The following NOP53 variants were observed in gnomAD, a reference collection of about 807,000 sequenced individuals.
The protein encoded by NOP53 is ribosome biogenesis protein NOP53.
NOP53 carries 40 observed loss-of-function variants against 61.0 expected under a neutral mutation model. That is an observed-to-expected ratio of 0.66 (90% CI 0.51 to 0.85). NOP53 has a LOEUF of 0.85. Among genes scored for constraint, NOP53 ranks in the 40% least tolerant of loss-of-function variants. The pLI is 0.00. For missense variants in NOP53, 689 were observed against 652.9 expected (o/e 1.06, Z -0.60); for synonymous variants, 308 against 289.5 (o/e 1.06, Z -0.65).
At position 47,751,063 on chromosome 19, in the gene NOP53, A is replaced by G. The variant is rs1967119159; in HGVS notation, c.554A>G (p.Gln185Arg). ...PSATRAKPGPQDTVERPFYDL... is the reference protein window; with the variant it reads ...PSATRAKPGPRDTVERPFYDL... ...GCAACAAGGGCCAAGCCCGGGCCCC[A>G]GGACACCGTAGAGCGGCCCTTCTAC... The change falls in exon 4 of 13, where the codon CAG (glutamine) becomes CGG (arginine). Residue 185 changes from glutamine to arginine, a missense_variant. Gln to Arg is a conservative substitution (Grantham distance 43). Coordinates refer to ENST00000246802, the MANE Select transcript of NOP53 (RefSeq NM_015710.5). The G allele has an allele frequency of 3.7e-6, 6 of 1,608,696 alleles. No homozygotes were observed. The highest frequency in any genetic ancestry group is 3.3e-5 in the South Asian group (3 of 89,686).
chr19:47,749,289 C>A (rs996975828), intron 2 of NOP53, among the ~76,000 whole-genome samples: 1 of 152,034 alleles, frequency 6.6e-6, no homozygotes, highest in Admixed American at 6.6e-5. Flanking sequence ...TAGTTACCGG[C>A]GTGCTTTGGC....
At chr19:47,752,712 C>A in intron 6 of NOP53, 105 bp downstream of exon 6, 1 of 736,940 alleles carries the variant, frequency 1.4e-6, no homozygotes, top group South Asian at 1.5e-5. Flanking sequence ...CCAGACAGCC[C>A]TGGGCCTGTC....
chr19:47,748,268 G>A (rs1173306584), intron 2 of NOP53, among the ~76,000 whole-genome samples: 3 of 151,960 alleles, frequency 2.0e-5, no homozygotes, highest in African/African-American at 4.8e-5. Context: ...TTTAGTGAGC[G>A]GGTAACACAC....
At chr19:47,752,185 A>G (rs942158895) in intron 5 of NOP53, among the ~76,000 whole-genome samples, 1 of 152,178 alleles carries the variant, frequency 6.6e-6, no homozygotes, top group Non-Finnish European at 1.5e-5. Flanking sequence ...AAGAGGTAGC[A>G]CATGAGAAGG....
Position 47,754,814 on chromosome 19 carries a change from C to A in NOP53, c.976C>A (p.Pro326Thr). 1 of 1,534,118 alleles carries A rather than the reference C, an allele frequency of 6.5e-7. No individual in the cohort carries two copies. The highest frequency in any genetic ancestry group is 8.7e-7 in the Non-Finnish European group (1 of 1,146,308). The stretch of plus-strand genomic sequence containing the variant: ...GGAGGCTGGGGATGCCGAGGTCTGT[C>A]CCACGCCCGCCCGCCTGGCCACCAC... ...GPEAGDAEVC[P>T]TPARLATTEK... The change falls in exon 8 of 13, where the codon CCC becomes ACC. Residue 326 changes from proline to threonine, a missense_variant. Pro to Thr is a conservative substitution (Grantham distance 38, BLOSUM62 -1). Transcript: ENST00000246802. This position sits in a 1 kb window ranked among gnomAD's most constrained non-coding sequence, Gnocchi z 4.2.
At chr19:47,753,052 T>G (rs899041450) in intron 6 of NOP53, 9 of 167,178 alleles carry the variant, frequency 5.4e-5, no homozygotes, top group African/African-American at 2.1e-4. Flanking sequence ...CAGTTATATA[T>G]GGGCGAGGCT....
chr19:47,756,958 C>T, intron 12 of NOP53, 41 bp from the exon 13 acceptor site: 1 of 1,613,352 alleles, frequency 6.2e-7, no homozygotes, highest in South Asian at 1.1e-5. Context: ...GGGTATGGGG[C>T]ACCCTCTCAC....
At chr19:47,751,700 C>A in intron 5 of NOP53, 110 bp downstream of exon 5, 1 of 846,700 alleles carries the variant, frequency 1.2e-6, no homozygotes, top group Non-Finnish European at 2.0e-6. Flanking sequence ...TCCCAGTGGC[C>A]GAGAACTCTG....
In NOP53 at chr19:47,754,693, C is replaced by T; in HGVS notation, c.871-16C>T. ...GGCCTCCTACCCACCCCTGACACTG[C>T]ACCCCGCCTCCCCAGGAGTCCACAT... is the stretch of plus-strand genomic sequence containing the variant. On this transcript the variant is annotated splice_polypyrimidine_tract_variant and intron_variant, in intron 7 of 12. Transcript: ENST00000246802. The surrounding 1 kb of genome is among the most constrained non-coding windows in gnomAD (Gnocchi z 4.2). The T allele has an allele frequency of 6.5e-7, 1 of 1,536,464 alleles. No homozygotes were observed. Among genetic ancestry groups the T allele is most frequent in the Non-Finnish European group, 8.8e-7 (1 of 1,137,754 alleles).
intron 3 of NOP53, 63 bp downstream of exon 3, chr19:47,750,349 G>A (rs541080507): frequency 8.2e-6 from 8 of 970,954 alleles, no homozygotes; most frequent in East Asian, 5.0e-5. Context: ...AAGGGTTTCC[G>A]GGGCTGGGGG....
chr19:47,747,779 CTTTTTT>C (rs750831883), intron 2 of NOP53, among the ~76,000 whole-genome samples: 21 of 56,886 alleles, frequency 3.7e-4, no homozygotes, highest in African/African-American at 1.5e-3. Flanking sequence ...TTCTCTCTCT[CTTTTTT>C]TTTTTTTTTT....
At chr19:47,746,633 C>T in intron 1 of NOP53, 1 of 201,522 alleles carries the variant, frequency 5.0e-6, no homozygotes, top group Non-Finnish European at 1.0e-5. Context: ...CCCTAAGGTG[C>T]TAAGATTACA....
chr19:47,756,563 C>T lies in NOP53; in HGVS notation c.1332C>T (p.Ser444=). ...EGNILRDRFK[S]FQRRNMIEPR... ...ACATCCTTCGAGACCGGTTCAAGAG[C>T]TTCCAGAGGAGGAATATGATCGAGC... Residue 444 remains serine (S), a synonymous_variant, in exon 11 of 13, where the codon AGC becomes AGT. Transcript: ENST00000246802. 6.2e-7 allele frequency: 1 copy of T among 1,614,108 alleles called. No homozygotes were observed. The highest frequency in any genetic ancestry group is 8.5e-7 in the Non-Finnish European group (1 of 1,180,006).
In NOP53 at chr19:47,755,332, T is replaced by TC. The variant is rs774065764; in HGVS notation, c.1054-11dup. 2.8e-5 allele frequency: 41 copies of TC among 1,473,180 alleles called. No homozygotes were observed. The highest frequency in any genetic ancestry group is 3.6e-5 in the Non-Finnish European group (40 of 1,118,750). The allele number at this position is 1,473,180 out of a possible 1,614,324, so 91.3% of individuals were successfully genotyped here. A position where few individuals can be genotyped will look rare whatever the true frequency, so the allele number is the denominator to read the frequency against. ...GCAGCACCGGCCTGAGCCCTGACCC[T>TC]CCCCCGTCTCCACAGCGGGTACAGC... On this transcript the variant is annotated splice_polypyrimidine_tract_variant and intron_variant, in intron 8 of 12. Transcript: ENST00000246802.
chr19:47,748,990 C>T (rs1015883765), intron 2 of NOP53, among the ~76,000 whole-genome samples: 3 of 151,948 alleles, frequency 2.0e-5, no homozygotes, highest in Admixed American at 6.6e-5. Flanking sequence ...GGAGAAACCC[C>T]GTCTTTACTA....
At position 47,752,145 on chromosome 19, in the gene NOP53, C is replaced by T. The variant is rs570355398; in HGVS notation, c.670-367C>T. Among the ~76,000 whole-genome samples the T allele has an allele frequency of 7.9e-5, 12 of 152,124 alleles. No homozygotes were observed. The South Asian group carries it at 1.0e-3, about 13-fold the overall frequency. ...AAAATAAAATACAGATGAAATTGTA[C>T]TTAGATCATGGGTCGGTGGGGAGAA... is the stretch of plus-strand genomic sequence containing the variant. On this transcript the variant is annotated intron_variant, in intron 5 of 12. Transcript: ENST00000246802.
At position 47,750,226 on chromosome 19, in the gene NOP53, A is replaced by G; in HGVS notation, c.338A>G (p.Lys113Arg). 2 of 1,613,454 alleles carry G rather than the reference A, an allele frequency of 1.2e-6. No individual in the cohort carries two copies. The highest frequency in any genetic ancestry group is 1.3e-5 in the African/African-American group (1 of 75,042). ...TKVQKKSLLL[K>R]KPLRVDLILE... is the part of the protein sequence containing the mutation. The stretch of plus-strand genomic sequence containing the variant: ...GTCCAGAAGAAGTCACTGCTTCTCA[A>G]GAAACCCCTTCGGGTTGACCTCATC... Residue 113 changes from lysine to arginine, a missense_variant, in exon 3 of 13, where the codon AAG becomes AGG. Coordinates refer to ENST00000246802, the MANE Select transcript of NOP53 (RefSeq NM_015710.5).
intron 2 of NOP53, 113 bp downstream of exon 2, chr19:47,747,144 A>G: frequency 1.2e-6 from 1 of 824,234 alleles, no homozygotes; most frequent in Non-Finnish European, 1.9e-6. Context: ...ATCTGCGGAA[A>G]CAGGTCAACC....
At position 47,750,280 on chromosome 19, in the gene NOP53, C is replaced by G. The variant is rs757874550; in HGVS notation, c.392C>G (p.Pro131Arg). The change falls in exon 3 of 13, where the codon CCC becomes CGC. Residue 131 changes from proline (P) to arginine (R), a missense_variant. Physicochemically the swap from Pro to Arg is moderately radical, Grantham distance 103. Coordinates refer to ENST00000246802, the MANE Select transcript of NOP53 (RefSeq NM_015710.5). ...ILENTSKVPAPKDVLAHQVPN... is the reference protein window; with the variant it reads ...ILENTSKVPARKDVLAHQVPN... ...GAGAACACATCCAAAGTCCCTGCCC[C>G]CAAAGAGTGAGTGTCCCAGCATCCC... 4 of 1,585,246 alleles carry G rather than the reference C, an allele frequency of 2.5e-6. No individual in the cohort carries two copies. The highest frequency in any genetic ancestry group is 3.5e-6 in the Non-Finnish European group (4 of 1,153,722).
Sources: gnomAD v4.1 joint callset for allele counts (sites outside exome capture counted in the v4.1 genomes callset) on GRCh38, gnomAD v4.1.1 for gene constraint, Gnocchi (gnomAD v3.1) non-coding constraint, MANE v1.5 for transcripts, NCBI Gene and HGNC (gene_info 2026-07-23, HGNC 2026-07-21) for gene names.